OLAH: variants seen among roughly 807,000 people sequenced by gnomAD.
OLAH encodes the protein S-acyl fatty acid synthase thioesterase, medium chain.
A neutral mutation model predicts 27.8 loss-of-function variants in OLAH; 33 were observed. The ratio of observed to expected loss-of-function variants is 1.19; its 90% CI spans 0.90 to 1.59. OLAH has a LOEUF of 1.59. Ranked by LOEUF, OLAH falls within the 40% of genes most tolerant of loss-of-function variation. The pLI is 0.00. For synonymous variants in OLAH, 120 were observed against 102.9 expected (o/e 1.17, Z -1.01); for missense variants, 359 against 310.8 (o/e 1.16, Z -1.17).
chr10:15,037,212 A>G (rs1843854086), intron 1 of OLAH, among the ~76,000 whole-genome samples: 1 of 152,232 alleles, frequency 6.6e-6, no homozygotes, highest in Non-Finnish European at 1.5e-5. Flanking sequence ...ACAAGAAAAC[A>G]AAGAGCTATG....
upstream of OLAH, among the ~76,000 whole-genome samples, chr10:15,041,984 CTT>C (rs1843927340): frequency 6.6e-6 from 1 of 151,722 alleles, no homozygotes; most frequent in Non-Finnish European, 1.5e-5. Flanking sequence ...GTCAGCTTCT[CTT>C]TTTCTGCTTG....
At chr10:15,042,141 T>C (rs979873033), upstream of OLAH, among the ~76,000 whole-genome samples, 1 of 151,868 alleles carries the variant, frequency 6.6e-6, no homozygotes, top group Non-Finnish European at 1.5e-5. Context: ...ATACAACAAA[T>C]ACACATGGTA....
rs116125103 is a variant in OLAH at position 15,032,546 on chromosome 10, G to A, written c.-164+196G>A. On this transcript the variant is annotated intron_variant, in intron 1 of 3. Coordinates refer to the OLAH transcript ENST00000413672. The stretch of plus-strand genomic sequence containing the variant: ...AGAGGCAGGAAAATCACTTGAACCC[G>A]GGAGGCAAAGGTTCCAGTAAACTGA... Among the ~76,000 whole-genome samples, 1,192 of 150,436 alleles carry A rather than the reference G, an allele frequency of 7.9e-3. 16 individuals carry two copies. The highest frequency in any genetic ancestry group is 0.028 in the African/African-American group (1,126 of 40,858).
At position 15,061,869 on chromosome 10, in the gene OLAH, G is replaced by A. The variant is rs1357666796; in HGVS notation, c.302+7G>A. On this transcript the variant is annotated splice_region_variant and intron_variant, in intron 4 of 7. Transcript: ENST00000378228. ...TTGCATTTTTTGGCCACAGGTATTTGATATCTGTTTTAAAAGACTTCAGGG... is the reference window on the plus strand; with the variant it reads ...TTGCATTTTTTGGCCACAGGTATTTAATATCTGTTTTAAAAGACTTCAGGG... 1.2e-6 allele frequency: 2 copies of A among 1,611,706 alleles called. No homozygotes were observed. The highest frequency in any genetic ancestry group is 1.7e-6 in the Non-Finnish European group (2 of 1,179,194).
At chr10:15,052,623 G>C (rs1250880055) in intron 3 of OLAH, among the ~76,000 whole-genome samples, 2 of 150,000 alleles carry the variant, frequency 1.3e-5, no homozygotes, top group African/African-American at 2.5e-5. Flanking sequence ...TTAACAACTT[G>C]TTTTACTGTT....
chr10:15,063,623 A>G (rs921663757), intron 4 of OLAH, among the ~76,000 whole-genome samples: 2 of 152,102 alleles, frequency 1.3e-5, no homozygotes, highest in Non-Finnish European at 2.9e-5. Flanking sequence ...ACCCCTTTAT[A>G]CTTTTAAGAT....
At chr10:15,072,963 C>G in intron 7 of OLAH, 124 bp from the exon 8 acceptor site, 2 of 860,570 alleles carry the variant, frequency 2.3e-6, no homozygotes, top group South Asian at 3.0e-5. Context: ...GCTTCATCAC[C>G]TAGAACATAA....
intron 2 of OLAH, 68 bp downstream of exon 2, chr10:15,047,388 G>A (rs538407477): frequency 1.0e-5 from 15 of 1,478,942 alleles, no homozygotes; most frequent in South Asian, 3.5e-5. Flanking sequence ...GCCTTTGTAC[G>A]GCTCCCTTTT....
Position 15,048,304 on chromosome 10 carries a change from C to T in OLAH, c.32+984C>T, listed in dbSNP as rs191335400. Among the ~76,000 whole-genome samples, 748 of 152,140 alleles carry T rather than the reference C, an allele frequency of 4.9e-3. 4 individuals carry two copies. The highest frequency in any genetic ancestry group is 0.017 in the African/African-American group (717 of 41,512). On this transcript the variant is annotated intron_variant, in intron 2 of 7. Coordinates refer to ENST00000378228, the MANE Select transcript of OLAH (RefSeq NM_001039702.3). ...GCGATCTCGGCTCACTGCAACCCCC[C>T]CCTCCTGGGTTCAAGTAATCCTCCT...
intron 6 of OLAH, among the ~76,000 whole-genome samples, chr10:15,070,403 C>T (rs1441844460): frequency 6.6e-6 from 1 of 152,196 alleles, no homozygotes; most frequent in Non-Finnish European, 1.5e-5. Context: ...TAGACTTATA[C>T]CTGCATACCT....
chr10:15,054,677 C>T (rs1246003213), intron 3 of OLAH, among the ~76,000 whole-genome samples: 24 of 152,134 alleles, frequency 1.6e-4, no homozygotes, highest in Non-Finnish European at 2.4e-4. Context: ...CTCTGTCCCG[C>T]TTTTGTTTCC....
At chr10:15,037,513 G>A (rs749087465) in intron 1 of OLAH, among the ~76,000 whole-genome samples, 4 of 151,894 alleles carry the variant, frequency 2.6e-5, no homozygotes, top group South Asian at 2.1e-4. Context: ...CCTGGAAGGC[G>A]GAGGTTGCGG....
intron 3 of OLAH, among the ~76,000 whole-genome samples, chr10:15,053,693 T>G (rs1844189264): frequency 1.3e-5 from 2 of 151,862 alleles, no homozygotes; most frequent in South Asian, 4.2e-4. Flanking sequence ...ACACTTCACT[T>G]CCTTTTTTGT....
intron 3 of OLAH, among the ~76,000 whole-genome samples, chr10:15,057,955 C>A (rs1844279402): frequency 6.6e-6 from 1 of 152,154 alleles, no homozygotes; most frequent in Non-Finnish European, 1.5e-5. Flanking sequence ...AGCATAAGTT[C>A]TCCAACTTTG....
chr10:15,048,281 G>A (rs978952698), intron 2 of OLAH, among the ~76,000 whole-genome samples: 2 of 151,996 alleles, frequency 1.3e-5, no homozygotes, highest in African/African-American at 2.4e-5. Context: ...GCGGTGGTGC[G>A]ATCTCGGCTC....
intron 3 of OLAH, among the ~76,000 whole-genome samples, chr10:15,060,202 G>C (rs745677516): frequency 3.3e-5 from 5 of 152,090 alleles, no homozygotes; most frequent in Middle Eastern, 3.4e-3. Flanking sequence ...CAGAGTCTCA[G>C]TCTGTCGTCC....
chr10:15,070,954 T>A (rs1844573268), intron 6 of OLAH, among the ~76,000 whole-genome samples: 1 of 151,926 alleles, frequency 6.6e-6, no homozygotes, highest in African/African-American at 2.4e-5. Flanking sequence ...CCTGGCTAAT[T>A]TTTTTATGTA....
upstream of OLAH, among the ~76,000 whole-genome samples, chr10:15,039,533 T>A (rs1184678050): frequency 6.6e-6 from 1 of 152,132 alleles, no homozygotes; most frequent in Admixed American, 6.5e-5. Context: ...GCCGAGATTG[T>A]GCCACTGCAC....
chr10:15,038,902 G>A (rs372543271), intron 1 of OLAH, among the ~76,000 whole-genome samples: 1 of 152,202 alleles, frequency 6.6e-6, no homozygotes, highest in South Asian at 2.1e-4. Context: ...CTGAATTCTT[G>A]CAAATATATT....
Sources: allele counts gnomAD v4.1 joint callset (sites outside exome capture counted in the v4.1 genomes callset), GRCh38; gene constraint gnomAD v4.1.1; transcripts MANE v1.5; gene names NCBI Gene and HGNC (gene_info 2026-07-23, HGNC 2026-07-21).